The following NRG3 variants were observed in gnomAD, a reference collection of about 807,000 sequenced individuals.
The protein encoded by NRG3 is neuregulin 3.
Under a neutral mutation model 66.9 loss-of-function variants are expected in NRG3, and 31 were observed. The observed-to-expected ratio is 0.46, with a 90% confidence interval of 0.35 to 0.63. The LOEUF is 0.63. Among genes scored for constraint, NRG3 ranks in the 20% least tolerant of loss-of-function variants. NRG3 has a pLI of 0.00. For missense variants in NRG3, 910 were observed against 878.9 expected (o/e 1.04, Z -0.45); for synonymous variants, 393 against 359.4 (o/e 1.09, Z -1.06).
At chr10:82,693,029 A>G (rs1302835741) in intron 2 of NRG3, among the ~76,000 whole-genome samples, 1 of 152,156 alleles carries the variant, frequency 6.6e-6, no homozygotes, top group Non-Finnish European at 1.5e-5. Context: ...ATGTCACTAT[A>G]GAAGATGTTG....
At chr10:82,188,163 C>T (rs530198316) in intron 1 of NRG3, among the ~76,000 whole-genome samples, 3 of 152,026 alleles carry the variant, frequency 2.0e-5, no homozygotes. Flanking sequence ...ATACACACAC[C>T]TACAGTATAC....
intron 1 of NRG3, among the ~76,000 whole-genome samples, chr10:82,184,618 A>G (rs1360221534): frequency 6.6e-6 from 1 of 152,272 alleles, no homozygotes; most frequent in Middle Eastern, 3.4e-3. Flanking sequence ...ATGACTTACA[A>G]TGAATTTGCC....
intron 2 of NRG3, among the ~76,000 whole-genome samples, chr10:82,713,595 A>G (rs1432253303): frequency 6.6e-6 from 1 of 152,218 alleles, no homozygotes; most frequent in Admixed American, 6.5e-5. Flanking sequence ...CTCCTAATGC[A>G]CTGGGTGTGG....
rs185269598 is a variant in NRG3, at chr10:82,485,906, G to T, written c.953+127038G>T. 2.4e-3 allele frequency among the ~76,000 whole-genome samples: 364 copies of T among 152,070 alleles called. 2 individuals carry two copies. The highest frequency in any genetic ancestry group is 8.5e-3 in the African/African-American group (352 of 41,486). On this transcript the variant is annotated intron_variant, in intron 2 of 8. Transcript: ENST00000372141. ...TATTAACTGCTCTATATCTAATAAG[G>T]ACTCAATATCTAAAAATGTAAGAAA...
intron 4 of NRG3, among the ~76,000 whole-genome samples, chr10:82,927,076 T>A (rs1003626525): frequency 6.6e-6 from 1 of 152,130 alleles, no homozygotes; most frequent in Admixed American, 6.5e-5. Context: ...GGACTGCCCA[T>A]CTGTCCTTGC....
chr10:82,549,458 A>G (rs991099032), intron 2 of NRG3, among the ~76,000 whole-genome samples: 12 of 152,182 alleles, frequency 7.9e-5, no homozygotes, highest in African/African-American at 2.4e-4. Context: ...TGCAGAGGGT[A>G]GGGAGCCAGA....
intron 1 of NRG3, among the ~76,000 whole-genome samples, chr10:82,109,561 G>C (rs866897419): frequency 1.5e-5 from 2 of 133,402 alleles, no homozygotes; most frequent in South Asian, 4.8e-4. Flanking sequence ...GTGTGTGTGT[G>C]TGTGTGTGTG....
At chr10:82,016,571 G>A (rs1270690000) in intron 1 of NRG3, among the ~76,000 whole-genome samples, 4 of 152,076 alleles carry the variant, frequency 2.6e-5, no homozygotes, top group African/African-American at 9.7e-5. Context: ...TGTCTTGATC[G>A]TTAAGTGCAA....
intron 1 of NRG3, among the ~76,000 whole-genome samples, chr10:82,311,300 T>A (rs1406416104): frequency 5.3e-5 from 8 of 152,184 alleles, no homozygotes; most frequent in Non-Finnish European, 2.9e-5. Context: ...ATGTCTATAC[T>A]TTTATCTAAA....
At chr10:82,908,239 A>T (rs1395210781) in intron 4 of NRG3, among the ~76,000 whole-genome samples, 1 of 152,194 alleles carries the variant, frequency 6.6e-6, no homozygotes, top group African/African-American at 2.4e-5. Flanking sequence ...CTGTTAACTC[A>T]CTAGGAAGGA....
At chr10:82,339,108 A>G (rs1418619580) in intron 1 of NRG3, among the ~76,000 whole-genome samples, 1 of 152,238 alleles carries the variant, frequency 6.6e-6, no homozygotes, top group Non-Finnish European at 1.5e-5. Flanking sequence ...TAATTGTTTT[A>G]TAATCTGATT....
intron 2 of NRG3, among the ~76,000 whole-genome samples, chr10:82,663,081 GA>G (rs1290337906): frequency 6.6e-6 from 1 of 152,194 alleles, no homozygotes; most frequent in Non-Finnish European, 1.5e-5. Flanking sequence ...CTCTTACCAA[GA>G]AAGGAGAATA....
chr10:82,069,707 C>T (rs1054045579), intron 1 of NRG3, among the ~76,000 whole-genome samples: 3 of 152,110 alleles, frequency 2.0e-5, no homozygotes, highest in Admixed American at 2.0e-4. Context: ...TTGTAGAAAA[C>T]ATATAAAACC....
At chr10:82,724,710 T>C (rs1397778925) in intron 2 of NRG3, among the ~76,000 whole-genome samples, 1 of 152,234 alleles carries the variant, frequency 6.6e-6, no homozygotes, top group African/African-American at 2.4e-5. Context: ...AATGACATCC[T>C]GTGGACACTT....
chr10:82,595,193 A>G (rs927448147), intron 2 of NRG3, among the ~76,000 whole-genome samples: 7 of 152,152 alleles, frequency 4.6e-5, no homozygotes, highest in Non-Finnish European at 8.8e-5. Context: ...CTAATTGAAA[A>G]GAAAGCCTCT....
chr10:82,960,269 G>A (rs1453790496), intron 6 of NRG3, among the ~76,000 whole-genome samples: 1 of 152,154 alleles, frequency 6.6e-6, no homozygotes, highest in African/African-American at 2.4e-5. Flanking sequence ...GAATGGTTTT[G>A]CTATTGATTT....
chr10:82,158,908 C>T (rs183139019), intron 1 of NRG3, among the ~76,000 whole-genome samples: 3 of 151,914 alleles, frequency 2.0e-5, no homozygotes, highest in African/African-American at 7.2e-5. Flanking sequence ...TCAAGCTTTC[C>T]ATTCAGATGA....
chr10:82,408,116 AAAGAAAGAAAG>A (rs1369681520), intron 2 of NRG3, among the ~76,000 whole-genome samples: 9 of 143,616 alleles, frequency 6.3e-5, no homozygotes, highest in Non-Finnish European at 1.2e-4. Context: ...AGAAAGAAAG[AAAGAAAGAAAG>A]AAAGAAAGAA....
At chr10:82,529,829 A>G (rs2132632036) in intron 2 of NRG3, among the ~76,000 whole-genome samples, 1 of 152,292 alleles carries the variant, frequency 6.6e-6, no homozygotes, top group South Asian at 2.1e-4. Flanking sequence ...TGACTATCAA[A>G]TAATAGTTCT....
Sources: allele counts gnomAD v4.1 joint callset (sites outside exome capture counted in the v4.1 genomes callset), GRCh38; gene constraint gnomAD v4.1.1; transcripts MANE v1.5; gene names NCBI Gene and HGNC (gene_info 2026-07-23, HGNC 2026-07-21).